MYO1E: variants seen among roughly 807,000 people sequenced by gnomAD.
MYO1E encodes the protein unconventional myosin-Ie.
A neutral mutation model predicts 151.1 loss-of-function variants in MYO1E; 68 were observed. The observed-to-expected ratio is 0.45, with a 90% CI of 0.37 to 0.55. The LOEUF is 0.55. Ranked by LOEUF, MYO1E falls within the 20% of genes least tolerant of loss-of-function variation. MYO1E has a pLI of 0.00. For missense variants in MYO1E, 1,363 were observed against 1,389.3 expected, an observed-to-expected ratio of 0.98 and a Z score of 0.30; for synonymous variants, 601 against 501.7, an observed-to-expected ratio of 1.20 and a Z score of -2.64.
intron 4 of MYO1E, among the ~76,000 whole-genome samples, chr15:59,238,729 G>A (rs1234187700): frequency 6.6e-6 from 1 of 151,796 alleles, no homozygotes; most frequent in Non-Finnish European, 1.5e-5. Flanking sequence ...GCACCACCAT[G>A]CCTAGCTAAT....
rs201821569 is a variant in MYO1E, at chr15:59,161,053, A to G, written c.2785+20T>C. 4.3e-6 allele frequency: 7 copies of G among 1,612,526 alleles called. No homozygotes were observed. In the Admixed American group the frequency reaches 6.7e-5, roughly 15 times the overall value. ...GGGGAGCGGCGGCAGTTCTGCCTGC[A>G]GGGCCCGTGGAGCACTTACGGGAGT... is the stretch of plus-strand genomic sequence containing the variant. On this transcript the variant is annotated intron_variant, in intron 24 of 27. Transcript: ENST00000288235.
At chr15:59,338,280 TTGAC>T (rs1289084460) in intron 1 of MYO1E, among the ~76,000 whole-genome samples, 22 of 146,940 alleles carry the variant, frequency 1.5e-4, no homozygotes, top group African/African-American at 5.4e-4. Flanking sequence ...TAGATCAGTA[TTGAC>T]TTTTTTTTTT....
At chr15:59,239,790 TAAG>T (rs1305052220) in intron 4 of MYO1E, among the ~76,000 whole-genome samples, 16 of 152,166 alleles carry the variant, frequency 1.1e-4, no homozygotes, top group Admixed American at 9.8e-4. Flanking sequence ...TACAGACACT[TAAG>T]AAGAATTTTT....
At chr15:59,207,794 C>CA (rs1566978984) in intron 14 of MYO1E, 1 of 1,614,144 alleles carries the variant, frequency 6.2e-7, no homozygotes. Context: ...GAAGTGACTG[C>CA]AACTGCCTAT....
At chr15:59,217,518 C>CATTTT in intron 10 of MYO1E, among the ~76,000 whole-genome samples, 1 of 10,708 alleles carries the variant, frequency 9.3e-5, no homozygotes, top group Non-Finnish European at 2.1e-4. Context: ...AGTCGTTTTA[C>CATTTT]CTTTTTTTTT....
chr15:59,332,077 T>A (rs1241330168), intron 1 of MYO1E, among the ~76,000 whole-genome samples: 1 of 152,210 alleles, frequency 6.6e-6, no homozygotes, highest in Admixed American at 6.5e-5. Context: ...AGCAAAAGTA[T>A]CCTACCATGT....
intron 18 of MYO1E, among the ~76,000 whole-genome samples, chr15:59,182,948 A>C (rs972712333): frequency 6.6e-6 from 1 of 152,220 alleles, no homozygotes; most frequent in African/African-American, 2.4e-5. Flanking sequence ...AGATTCTCAA[A>C]AGGAGCGCAC....
chr15:59,293,314 G>T (rs1458889761), intron 1 of MYO1E, among the ~76,000 whole-genome samples: 2 of 152,062 alleles, frequency 1.3e-5, no homozygotes, highest in African/African-American at 2.4e-5. Flanking sequence ...CATAATGCTG[G>T]CATGATTATT....
At chr15:59,258,865 A>G (rs1396796748) in intron 3 of MYO1E, among the ~76,000 whole-genome samples, 1 of 152,032 alleles carries the variant, frequency 6.6e-6, no homozygotes, top group Non-Finnish European at 1.5e-5. Flanking sequence ...TCAAAAGAAA[A>G]AAAAAAAAGA....
At chr15:59,363,662 A>C (rs1316717660) in intron 1 of MYO1E, among the ~76,000 whole-genome samples, 1 of 152,244 alleles carries the variant, frequency 6.6e-6, no homozygotes, top group Non-Finnish European at 1.5e-5. Context: ...CTTACCTGTA[A>C]AATGGCAATA....
chr15:59,244,173 T>C lies in MYO1E; in HGVS notation c.333-7501A>G, dbSNP rs190606268. Reference sequence around the variant, plus strand: ...TTATTTCTTCCCAACCCCAGACAAATATCTAGTTAATTGGTGTTGTCAAGC... The same window carrying C: ...TTATTTCTTCCCAACCCCAGACAAACATCTAGTTAATTGGTGTTGTCAAGC... On this transcript the variant is annotated intron_variant, in intron 4 of 27. Transcript: ENST00000288235. Among the ~76,000 whole-genome samples, 4 of 152,234 alleles carry C rather than the reference T, an allele frequency of 2.6e-5. No individual in the cohort carries two copies. In the East Asian group the frequency reaches 5.8e-4, roughly 22 times the overall value.
intron 3 of MYO1E, among the ~76,000 whole-genome samples, chr15:59,259,204 TATC>T (rs2080211665): frequency 6.6e-6 from 1 of 152,234 alleles, no homozygotes; most frequent in Non-Finnish European, 1.5e-5. Context: ...TGTTCTCAAA[TATC>T]ATTGAGAAAT....
intron 1 of MYO1E, among the ~76,000 whole-genome samples, chr15:59,344,470 C>A (rs1255584056): frequency 6.6e-6 from 1 of 152,224 alleles, no homozygotes; most frequent in African/African-American, 2.4e-5. Context: ...TGACCTGAAG[C>A]CAGCACAACA....
At position 59,341,679 on chromosome 15, in the gene MYO1E, G is replaced by A. The variant is rs776862474; in HGVS notation, c.3+30819C>T. ...TATTCTTGCAAATGACAAATGACAG[G>A]GTTTCATTCTTTTTTATTGCTGATT... is the stretch of plus-strand genomic sequence containing the variant. On this transcript the variant is annotated intron_variant, in intron 1 of 27. Transcript: ENST00000288235. 3.3e-5 allele frequency among the ~76,000 whole-genome samples: 5 copies of A among 151,996 alleles called. No individual in the cohort carries two copies. The East Asian group carries it at 9.6e-4, about 29-fold the overall frequency.
intron 26 of MYO1E, among the ~76,000 whole-genome samples, chr15:59,146,402 G>C (rs992474048): frequency 1.3e-5 from 2 of 152,034 alleles, no homozygotes; most frequent in East Asian, 3.8e-4. Context: ...TGCAGCCTCC[G>C]CCTCCCAGAT....
intron 16 of MYO1E, among the ~76,000 whole-genome samples, chr15:59,196,837 C>T (rs759219392): frequency 3.3e-5 from 5 of 152,184 alleles, no homozygotes; most frequent in Non-Finnish European, 5.9e-5. Context: ...CACTTGAGAA[C>T]AAATTTGATG....
At position 59,133,073 on chromosome 15, in the gene MYO1E, G is replaced by A. The variant is rs1020378521; in HGVS notation, c.*4307C>T. 5 of 152,176 alleles carry A rather than the reference G, an allele frequency of 3.3e-5. No individual in the cohort carries two copies. The highest frequency in any genetic ancestry group is 7.4e-5 in the Non-Finnish European group (5 of 68,024). 9.4% of individuals were successfully genotyped at this position (152,176 alleles called of 1,614,324 possible). A position where few individuals can be genotyped will look rare whatever the true frequency, so the allele number is the denominator to read the frequency against. ...CACATTACTAAATATCTGTTGAATTGGAGAAAATGATTAAAAGCACAGGCC... is the reference window on the plus strand; with the variant it reads ...CACATTACTAAATATCTGTTGAATTAGAGAAAATGATTAAAAGCACAGGCC... On this transcript the variant is annotated 3_prime_UTR_variant, in exon 28 of 28. Transcript: ENST00000288235.
chr15:59,139,325 C>A (rs2079394019), intron 26 of MYO1E, among the ~76,000 whole-genome samples: 1 of 111,066 alleles, frequency 9.0e-6, no homozygotes, highest in African/African-American at 3.6e-5. Flanking sequence ...CCTCAGACTT[C>A]CCTCCCAACC....
intron 9 of MYO1E, among the ~76,000 whole-genome samples, chr15:59,219,938 A>G (rs888377689): frequency 1.1e-4 from 16 of 152,338 alleles, no homozygotes; most frequent in Middle Eastern, 3.4e-3. Flanking sequence ...CGATGTGTGC[A>G]TTCATCTCAC....
Sources: allele counts gnomAD v4.1 joint callset (sites outside exome capture counted in the v4.1 genomes callset), GRCh38; gene constraint gnomAD v4.1.1; transcripts MANE v1.5; gene names NCBI Gene and HGNC (gene_info 2026-07-23, HGNC 2026-07-21).